ARB2A: variants seen among roughly 807,000 people sequenced by gnomAD.
The protein encoded by ARB2A is ARB2 cotranscriptional regulator A.
the ARB2A span, among the ~76,000 whole-genome samples, chr5:93,675,252 A>G: frequency 6.6e-6 from 1 of 152,174 alleles, no homozygotes; most frequent in Non-Finnish European, 1.5e-5. Flanking sequence ...TCACGATCCT[A>G]CAGCAGATCA....
At chr5:94,074,556 G>T in the ARB2A span, 3 of 958,340 alleles carry the variant, frequency 3.1e-6, no homozygotes, top group Non-Finnish European at 3.1e-6. Context: ...TCTTATTTTA[G>T]ATTTGAAATG....
the ARB2A span, among the ~76,000 whole-genome samples, chr5:94,071,923 C>T: frequency 6.6e-6 from 1 of 152,106 alleles, no homozygotes; most frequent in Non-Finnish European, 1.5e-5. Context: ...TGAATACACA[C>T]AGTAAATTTA....
the ARB2A span, among the ~76,000 whole-genome samples, chr5:93,637,354 G>GC: frequency 8.6e-6 from 1 of 116,110 alleles, no homozygotes. Context: ...GGGTTGTTTA[G>GC]TTTTTTTTTT....
the ARB2A span, chr5:93,743,447 A>C: frequency 3.0e-6 from 2 of 659,404 alleles, no homozygotes; most frequent in Non-Finnish European, 3.8e-6. Flanking sequence ...TTAGATTTTA[A>C]GATGACAGTC....
chr5:93,835,738 A>G, the ARB2A span, among the ~76,000 whole-genome samples: 138,223 of 152,254 alleles, frequency 0.91, 63,161 homozygotes, highest in East Asian at 1. Flanking sequence ...GTACATACAC[A>G]CACACACACT....
the ARB2A span, among the ~76,000 whole-genome samples, chr5:93,764,312 AAAG>A: frequency 1.3e-5 from 2 of 152,334 alleles, no homozygotes; most frequent in Admixed American, 1.3e-4. Context: ...CAAGACTAAC[AAAG>A]AAGGAAAGAG....
the ARB2A span, among the ~76,000 whole-genome samples, chr5:93,876,847 T>C: frequency 3.9e-5 from 6 of 152,134 alleles, no homozygotes; most frequent in Middle Eastern, 3.4e-3. Context: ...CAAAAACATA[T>C]TTTTGGAAAG....
the ARB2A span, among the ~76,000 whole-genome samples, chr5:93,671,818 T>A: frequency 6.6e-6 from 1 of 152,088 alleles, no homozygotes; most frequent in South Asian, 2.1e-4. Context: ...ACTTAAAACT[T>A]TAAATGGAAG....
the ARB2A span, among the ~76,000 whole-genome samples, chr5:93,714,852 A>G: frequency 6.6e-6 from 1 of 152,182 alleles, no homozygotes; most frequent in African/African-American, 2.4e-5. Context: ...TACATTATTC[A>G]ATCTTTATGG....
At chr5:93,805,434 CACGGTGAACAT>C in the ARB2A span, 3 of 985,076 alleles carry the variant, frequency 3.0e-6, no homozygotes, top group Non-Finnish European at 3.6e-6. Flanking sequence ...AGAGTGTAAG[CACGGTGAACAT>C]ACTTCAGACT....
At chr5:93,969,881 G>T in the ARB2A span, among the ~76,000 whole-genome samples, 7 of 152,010 alleles carry the variant, frequency 4.6e-5, no homozygotes, top group African/African-American at 1.4e-4. Context: ...ATAATTTAAG[G>T]GGGTGGGGAA....
chr5:94,014,537 T>TA, the ARB2A span, among the ~76,000 whole-genome samples: 2 of 152,068 alleles, frequency 1.3e-5, no homozygotes, highest in African/African-American at 4.8e-5. Context: ...TTTCCCCAAA[T>TA]AGACAAATCA....
chr5:94,053,004 C>T, the ARB2A span: 1 of 441,330 alleles, frequency 2.3e-6, no homozygotes, highest in Non-Finnish European at 4.0e-6. Flanking sequence ...TCTACTTGGC[C>T]TTTAAAAGTA....
the ARB2A span, among the ~76,000 whole-genome samples, chr5:93,670,339 G>A: frequency 6.6e-6 from 1 of 152,164 alleles, no homozygotes; most frequent in Non-Finnish European, 1.5e-5. Flanking sequence ...GGACTCCAAG[G>A]CTCCAAGGCT....
chr5:93,891,105 G>C, the ARB2A span, among the ~76,000 whole-genome samples: 1 of 152,124 alleles, frequency 6.6e-6, no homozygotes, highest in Non-Finnish European at 1.5e-5. Flanking sequence ...ACTTTATGGA[G>C]TAGAGTTTGG....
At chr5:93,630,103 AAATAT>A in the ARB2A span, among the ~76,000 whole-genome samples, 1 of 152,226 alleles carries the variant, frequency 6.6e-6, no homozygotes, top group South Asian at 2.1e-4. Flanking sequence ...AAAAGAAATA[AAATAT>A]AACTACTAAA....
chr5:94,075,346 A>G, the ARB2A span, among the ~76,000 whole-genome samples: 365 of 152,182 alleles, frequency 2.4e-3, 1 homozygote, highest in Non-Finnish European at 4.3e-3. Context: ...TCTGGAAGCC[A>G]TCCTCTCTAA....
chr5:93,633,943 T>C, the ARB2A span, among the ~76,000 whole-genome samples: 1 of 152,020 alleles, frequency 6.6e-6, no homozygotes, highest in East Asian at 2.0e-4. Flanking sequence ...GTAGTAGGAT[T>C]GTAGAGATGG....
the ARB2A span, among the ~76,000 whole-genome samples, chr5:93,991,124 T>C: frequency 6.6e-6 from 1 of 152,052 alleles, no homozygotes; most frequent in Admixed American, 6.6e-5. Context: ...ACTGGAAAGC[T>C]CAAAGCTTAA....
Sources: gnomAD v4.1 joint callset for allele counts (sites outside exome capture counted in the v4.1 genomes callset) on GRCh38, gnomAD v4.1.1 for gene constraint, MANE v1.5 for transcripts, NCBI Gene and HGNC (gene_info 2026-07-23, HGNC 2026-07-21) for gene names.